The following DNA2 variants were observed in gnomAD, a reference collection of about 807,000 sequenced individuals.
DNA2 encodes the protein DNA replication helicase/nuclease 2, also known as DNA replication ATP-dependent helicase/nuclease DNA2.
Under a neutral mutation model 119.1 loss-of-function variants are expected in DNA2, and 101 were observed. The ratio of observed to expected loss-of-function variants is 0.85; its 90% CI spans 0.72 to 1.00. The LOEUF (loss-of-function observed/expected upper bound fraction) is 1.00, where lower values mean the gene tolerates loss of function less well. Among genes scored for constraint, DNA2 ranks in the 50% least tolerant of loss-of-function variants. DNA2 has a pLI of 0.00. For synonymous variants in DNA2, 366 were observed against 424.4 expected (o/e 0.86, Z 1.69); for missense variants, 1,121 against 1,255.5 (o/e 0.89, Z 1.62).
intron 4 of DNA2, among the ~76,000 whole-genome samples, chr10:68,459,975 T>C (rs10823204): frequency 0.29 from 44,260 of 150,576 alleles, 7,172 homozygotes; most frequent in African/African-American, 0.42. Flanking sequence ...TGCAGTGAGC[T>C]GAGATCGCAC....
intron 5 of DNA2, 151 bp downstream of exon 5, chr10:68,458,953 G>T: frequency 1.6e-6 from 1 of 624,080 alleles, no homozygotes; most frequent in Non-Finnish European, 2.5e-6. Flanking sequence ...TTTTGTCATG[G>T]AAAGATACTT....
In DNA2 at chr10:68,422,820, A is replaced by G. The variant is rs984360279; in HGVS notation, c.2279T>C (p.Ile760Thr). ...GCTAATTTGAGAGGCTTCATCCACA[A>G]TACAAAAATCAAAAATTTTACGGGA... is the stretch of plus-strand genomic sequence containing the variant. ...IFSRKIFDFC[I>T]VDEASQISQP... Residue 760 changes from isoleucine (I) to threonine (T), a missense_variant, in exon 15 of 21, where the codon ATT becomes ACT. Physicochemically the swap from Ile to Thr is moderately conservative, Grantham distance 89. Transcript: ENST00000358410. The G allele has an allele frequency of 1.9e-6, 3 of 1,608,964 alleles. No individual in the cohort carries two copies. Among genetic ancestry groups the G allele is most frequent in the Non-Finnish European group, 2.5e-6 (3 of 1,178,870 alleles).
chr10:68,415,567 C>T (rs560910671), intron 20 of DNA2, among the ~76,000 whole-genome samples: 38 of 151,694 alleles, frequency 2.5e-4, no homozygotes, highest in Non-Finnish European at 5.4e-4. Flanking sequence ...TGAGCCACCA[C>T]GCCCAGCCTC....
rs146014341 is a variant in DNA2, at chr10:68,465,942, T to A, written c.442-130A>T. The stretch of plus-strand genomic sequence containing the variant: ...GACAAATGCCAAAATATTAAAAAAA[T>A]TTTTTTCTGGTGCGTGGAATTATAA... On this transcript the variant is annotated intron_variant, in intron 3 of 20. Transcript: ENST00000358410. 2.1e-3 allele frequency: 1,664 copies of A among 801,470 alleles called. 15 individuals are homozygous for A. The African/African-American group carries it at 0.022, about 10-fold the overall frequency. 49.6% of individuals were successfully genotyped at this position (801,470 alleles called of 1,614,324 possible). A position where few individuals can be genotyped will look rare whatever the true frequency, so the allele number is the denominator to read the frequency against.
intron 6 of DNA2, 28 bp downstream of exon 6, chr10:68,449,996 AAAAC>A: frequency 6.9e-7 from 1 of 1,442,766 alleles, no homozygotes; most frequent in Non-Finnish European, 9.4e-7. Flanking sequence ...AAAAAAGTAT[AAAAC>A]AGACAATTTT....
intron 6 of DNA2, among the ~76,000 whole-genome samples, chr10:68,448,001 A>C (rs534940322): frequency 6.1e-4 from 92 of 151,964 alleles, no homozygotes; most frequent in African/African-American, 2.2e-3. Flanking sequence ...AAAAAATTTA[A>C]TTTACACAAA....
chr10:68,442,741 C>T (rs1393334912), intron 9 of DNA2, among the ~76,000 whole-genome samples, 176 bp downstream of exon 9: 1 of 152,210 alleles, frequency 6.6e-6, no homozygotes, highest in African/African-American at 2.4e-5. Flanking sequence ...ACATAGGATA[C>T]ACAGGAATGG....
chr10:68,422,579 A>G lies in DNA2; in HGVS notation c.2428T>C (p.Phe810Leu). The change falls in exon 16 of 21, where the codon TTC (phenylalanine) becomes CTC (leucine). Residue 810 changes from phenylalanine to leucine, a missense_variant. Phe to Leu is a conservative substitution (Grantham distance 22, BLOSUM62 0). Coordinates refer to ENST00000358410, the MANE Select transcript of DNA2 (RefSeq NM_001080449.3). ...ARALGMSESLFKRLEQNKSAV... is the reference protein window; with the variant it reads ...ARALGMSESLLKRLEQNKSAV... ...CTCTTATTCTGCTCCAGCCTCTTGA[A>G]TAAGCTTTCACTCATGCCAAGAGCT... 6.2e-7 allele frequency: 1 copy of G among 1,614,026 alleles called. No individual in the cohort carries two copies. The highest frequency in any genetic ancestry group is 8.5e-7 in the Non-Finnish European group (1 of 1,179,882).
In DNA2 at chr10:68,469,979, A is replaced by T; in HGVS notation, c.257+2T>A. 1 of 1,593,702 alleles carries T rather than the reference A, an allele frequency of 6.3e-7. No individual in the cohort carries two copies. On this transcript the variant is annotated splice_donor_variant, in intron 2 of 20. Coordinates refer to ENST00000358410, the MANE Select transcript of DNA2 (RefSeq NM_001080449.3). LOFTEE classifies it high-confidence loss of function. The stretch of plus-strand genomic sequence containing the variant: ...CGGTGCTCAAAGTCACATAAAAATT[A>T]CCAGTCATTCCTAAGGATGCATAGT...
chr10:68,448,329 A>C (rs1034031287), intron 6 of DNA2, among the ~76,000 whole-genome samples: 2 of 152,216 alleles, frequency 1.3e-5, no homozygotes, highest in African/African-American at 2.4e-5. Flanking sequence ...CATCTAAGAC[A>C]AGTTAAAAAT....
At chr10:68,472,084 G>C, upstream of DNA2, 1 of 1,566,642 alleles carries the variant, frequency 6.4e-7, no homozygotes, top group Admixed American at 1.9e-5. Flanking sequence ...CCCTGCCTTT[G>C]CTCCCTTGCT....
Position 68,414,465 on chromosome 10 carries a change from C to G in DNA2, c.*574G>C, listed in dbSNP as rs1348687246. ...GAATTATTTTCTTTTATATCAAAAT[C>G]TACTCTAGAATACTGAAATACTGAA... On this transcript the variant is annotated 3_prime_UTR_variant, in exon 21 of 21. Coordinates refer to ENST00000358410, the MANE Select transcript of DNA2 (RefSeq NM_001080449.3). 1 of 152,006 alleles carries G rather than the reference C, an allele frequency of 6.6e-6. No individual in the cohort carries two copies. Among genetic ancestry groups the G allele is most frequent in the Non-Finnish European group, 1.5e-5 (1 of 68,016 alleles). The allele number at this position is 152,006 out of a possible 1,614,324, so 9.4% of individuals were successfully genotyped here.
At position 68,432,345 on chromosome 10, in the gene DNA2, A is replaced by C. The variant is rs771492939; in HGVS notation, c.1764-30T>G. On this transcript the variant is annotated intron_variant, in intron 11 of 20. Coordinates refer to ENST00000358410, the MANE Select transcript of DNA2 (RefSeq NM_001080449.3). Reference sequence around the variant, plus strand: ...AAAGTGAAAAAGCACTTTTAGTAATATTCCTTAGAAAAGTGGAGTGAAATT... The same window carrying C: ...AAAGTGAAAAAGCACTTTTAGTAATCTTCCTTAGAAAAGTGGAGTGAAATT... The C allele has an allele frequency of 8.3e-6, 13 of 1,568,980 alleles. No homozygotes were observed. The East Asian group carries it at 2.9e-4, about 35-fold the overall frequency.
At chr10:68,465,934 T>C in intron 3 of DNA2, 122 bp from the exon 4 acceptor site, 1 of 911,228 alleles carries the variant, frequency 1.1e-6, no homozygotes, top group Non-Finnish European at 1.5e-6. Context: ...GCCAAAATAT[T>C]AAAAAAATTT....
intron 5 of DNA2, among the ~76,000 whole-genome samples, chr10:68,456,891 T>C (rs1165720750): frequency 1.3e-5 from 2 of 150,984 alleles, no homozygotes; most frequent in Non-Finnish European, 2.9e-5. Context: ...TCCCAGCACT[T>C]TGGGAGGCCA....
intron 14 of DNA2, among the ~76,000 whole-genome samples, chr10:68,423,765 A>G (rs1420201219): frequency 1.3e-5 from 2 of 152,198 alleles, no homozygotes; most frequent in African/African-American, 4.8e-5. Flanking sequence ...TCAGAAGCCT[A>G]GACTTCCACC....
intron 9 of DNA2, among the ~76,000 whole-genome samples, chr10:68,439,422 C>A (rs971512161): frequency 6.6e-6 from 1 of 151,974 alleles, no homozygotes; most frequent in African/African-American, 2.4e-5. Flanking sequence ...TTTTTGAGGC[C>A]GGGTGCAGGG....
intron 9 of DNA2, among the ~76,000 whole-genome samples, 196 bp downstream of exon 9, chr10:68,442,721 T>C (rs2051986191): frequency 6.6e-6 from 1 of 152,244 alleles, no homozygotes; most frequent in Admixed American, 6.5e-5. Flanking sequence ...TAACTAGCAA[T>C]GATTGCAGCA....
intron 8 of DNA2, among the ~76,000 whole-genome samples, 193 bp downstream of exon 8, chr10:68,444,725 CAAA>C (rs11356540): frequency 7.6e-5 from 9 of 117,890 alleles, no homozygotes; most frequent in Non-Finnish European, 1.4e-4. Flanking sequence ...AAGTCCGTCT[CAAA>C]AAAAAAAAAA....
Sources: gnomAD v4.1 joint callset for allele counts (sites outside exome capture counted in the v4.1 genomes callset) on GRCh38, gnomAD v4.1.1 for gene constraint, MANE v1.5 for transcripts, NCBI Gene and HGNC (gene_info 2026-07-23, HGNC 2026-07-21) for gene names.